SLC47A1: variants seen among roughly 807,000 people sequenced by gnomAD.
The protein encoded by SLC47A1 is multidrug and toxin extrusion protein 1.
Under a neutral mutation model 65.8 loss-of-function variants are expected in SLC47A1, and 58 were observed. That is an observed-to-expected ratio of 0.88 (90% CI 0.71 to 1.10). The LOEUF (loss-of-function observed/expected upper bound fraction) is 1.10, where lower values mean the gene tolerates loss of function less well. Among genes scored for constraint, SLC47A1 ranks in the 50% least tolerant of loss-of-function variants. SLC47A1 has a pLI of 0.00. For synonymous variants in SLC47A1, 285 were observed against 295.0 expected (o/e 0.97, Z 0.35); for missense variants, 706 against 719.2 (o/e 0.98, Z 0.21).
At position 19,560,711 on chromosome 17, in the gene SLC47A1, T is replaced by A. The variant is rs555727375; in HGVS notation, c.1106+218T>A. 2.7e-4 allele frequency among the ~76,000 whole-genome samples: 41 copies of A among 150,142 alleles called. 2 individuals carry two copies. In the South Asian group the frequency reaches 6.6e-3, roughly 24 times the overall value. ...CTGACCAACATGGTGAAACCCTATC[T>A]CTACTAAAAATACAAAAATTAGCTG... On this transcript the variant is annotated intron_variant, in intron 12 of 16. Transcript: ENST00000270570.
rs2247436 is a variant in SLC47A1 at position 19,551,420 on chromosome 17, G to A, written c.499-4G>A. ...TAACATTCATCTCTCTTGTTCTCTT[G>A]TAGGCAACCTTTCTTTATATGTTAC... On this transcript the variant is annotated splice_region_variant and splice_polypyrimidine_tract_variant and intron_variant, in intron 5 of 16. Transcript: ENST00000270570. 294,419 of 1,579,582 alleles carry A rather than the reference G, an allele frequency of 0.19. 30,570 individuals carry two copies. Among genetic ancestry groups the A allele is most frequent in the East Asian group, 0.43 (19,290 of 44,550 alleles).
rs763994720 is a variant in SLC47A1, at chr17:19,571,481, T to C, written c.1313T>C (p.Leu438Pro). The change falls in exon 15 of 17, where the codon CTG becomes CCG. Residue 438 changes from leucine to proline, a missense_variant. Leu to Pro is a moderately conservative substitution (Grantham distance 98, BLOSUM62 -3). Coordinates refer to ENST00000270570, the MANE Select transcript of SLC47A1 (RefSeq NM_018242.3). Reference sequence around the variant, plus strand: ...TATTAAATATTTCTATTTCTAGGTCTGTGGTCAGGGATCATCATCTGTACA... The same window carrying C: ...TATTAAATATTTCTATTTCTAGGTCCGTGGTCAGGGATCATCATCTGTACA... ...MFATTLGVMG[L>P]WSGIIICTVF... 8 of 1,612,444 alleles carry C rather than the reference T, an allele frequency of 5.0e-6. No homozygotes were observed. In the East Asian group the frequency reaches 8.9e-5, roughly 18 times the overall value.
intron 10 of SLC47A1, chr17:19,557,895 TCCAA>T (rs1567970380): frequency 1.5e-5 from 1 of 64,980 alleles, no homozygotes; most frequent in Non-Finnish European, 2.8e-5. Flanking sequence ...ATACTTTCCC[TCCAA>T]AAAAAAAAAA....
intron 16 of SLC47A1, among the ~76,000 whole-genome samples, chr17:19,576,342 T>C (rs2084439368): frequency 1.4e-5 from 2 of 148,022 alleles, no homozygotes; most frequent in Admixed American, 7.0e-5. Context: ...TTGTATTCTT[T>C]CTTCCTTCCT....
intron 10 of SLC47A1, among the ~76,000 whole-genome samples, chr17:19,558,465 T>C (rs1186079108): frequency 1.4e-5 from 2 of 147,626 alleles, no homozygotes; most frequent in East Asian, 2.2e-4. Flanking sequence ...GTTTTTATTT[T>C]ACTTATTTTT....
chr17:19,570,384 G>T (rs574830208), intron 14 of SLC47A1, among the ~76,000 whole-genome samples: 2 of 152,204 alleles, frequency 1.3e-5, no homozygotes, highest in African/African-American at 2.4e-5. Flanking sequence ...GTGGGAAAGC[G>T]TCACAGTGGA....
At chr17:19,544,666 GC>G (rs1312690271) in intron 2 of SLC47A1, among the ~76,000 whole-genome samples, 1 of 152,210 alleles carries the variant, frequency 6.6e-6, no homozygotes, top group Non-Finnish European at 1.5e-5. Flanking sequence ...CACTCCCAGT[GC>G]CCCCCAGGGT....
Position 19,577,716 on chromosome 17 carries a change from A to G in SLC47A1, c.*163A>G. On this transcript the variant is annotated 3_prime_UTR_variant, in exon 17 of 17. Transcript: ENST00000270570. Reference sequence around the variant, plus strand: ...CATTTTTCTATAAAAAGAAAAAGCAACTAAGGTTAAAAGCTATATTGTGGC... The same window carrying G: ...CATTTTTCTATAAAAAGAAAAAGCAGCTAAGGTTAAAAGCTATATTGTGGC... The G allele has an allele frequency of 7.0e-7, 1 of 1,435,822 alleles. No individual in the cohort carries two copies. Among genetic ancestry groups the G allele is most frequent in the South Asian group, 1.5e-5 (1 of 66,390 alleles). The allele number at this position is 1,435,822 out of a possible 1,614,324, so 88.9% of individuals were successfully genotyped here. A position where few individuals can be genotyped will look rare whatever the true frequency, so the allele number is the denominator to read the frequency against.
At chr17:19,560,331 A>C in intron 11 of SLC47A1, 35 bp downstream of exon 11, 3 of 1,607,446 alleles carry the variant, frequency 1.9e-6, no homozygotes, top group Non-Finnish European at 2.6e-6. Context: ...CTCTTGGTGC[A>C]GTCTCTGCAT....
Position 19,566,795 on chromosome 17 carries a change from T to G in SLC47A1, c.1112T>G (p.Ile371Ser), listed in dbSNP as rs1332762603. The change falls in exon 13 of 17, where the codon ATC becomes AGC. Residue 371 changes from isoleucine (I) to serine (S), a missense_variant. Physicochemically the swap from Ile to Ser is moderately radical, Grantham distance 142. Transcript: ENST00000270570. ...GTGCTTTATTTTCCTAACAGAGACA[T>G]CATTAATCTGGTGGCTCAGGTGGTT... ...VGYIFTTDRD[I>S]INLVAQVVPI... 3 of 1,614,014 alleles carry G rather than the reference T, an allele frequency of 1.9e-6. No homozygotes were observed. The highest frequency in any genetic ancestry group is 2.5e-6 in the Non-Finnish European group (3 of 1,179,994).
intron 1 of SLC47A1, among the ~76,000 whole-genome samples, chr17:19,539,640 G>A (rs1176192037): frequency 6.6e-6 from 1 of 152,026 alleles, no homozygotes; most frequent in African/African-American, 2.4e-5. Context: ...GTGCACCACT[G>A]CACCCAGCTA....
At chr17:19,556,185 A>C in intron 10 of SLC47A1, 123 bp downstream of exon 10, 1 of 1,146,996 alleles carries the variant, frequency 8.7e-7, no homozygotes. Flanking sequence ...GACAAAAGTC[A>C]AATCCCATCC....
chr17:19,556,871 A>G (rs1916631448), intron 10 of SLC47A1, among the ~76,000 whole-genome samples: 1 of 152,202 alleles, frequency 6.6e-6, no homozygotes, highest in Admixed American at 6.5e-5. Flanking sequence ...AACTGTGTTC[A>G]CAGGAGCATT....
At chr17:19,538,808 C>T (rs1916063840) in intron 1 of SLC47A1, among the ~76,000 whole-genome samples, 1 of 152,206 alleles carries the variant, frequency 6.6e-6, no homozygotes, top group African/African-American at 2.4e-5. Context: ...GTGCCTGGCC[C>T]TGGAGAGCAA....
At position 19,571,540 on chromosome 17, in the gene SLC47A1, AT is replaced by A; in HGVS notation, c.1374del (p.Gln459SerfsTer2). ...AGCTGTGTGTTTTCTAGGCTTTATT[AT>A]TCAGCTAAATTGGAAAAAAGCCTGT... Reference protein sequence around the residue: ...FQAVCFLGFIIQLNWKKACQQ... With the variant: ...FQAVCFLGFIXQLNWKKACQQ... On this transcript the variant is annotated frameshift_variant, in exon 15 of 17. Transcript: ENST00000270570. LOFTEE classifies it high-confidence loss of function. 1.2e-6 allele frequency: 2 copies of A among 1,614,028 alleles called. No homozygotes were observed. The highest frequency in any genetic ancestry group is 1.7e-6 in the Non-Finnish European group (2 of 1,179,966).
chr17:19,556,175 G>A, intron 10 of SLC47A1, 113 bp downstream of exon 10: 1 of 1,251,920 alleles, frequency 8.0e-7, no homozygotes, highest in Non-Finnish European at 1.1e-6. Flanking sequence ...TGAAATGATG[G>A]ACAAAAGTCA....
At chr17:19,547,593 A>G (rs999894117) in intron 3 of SLC47A1, among the ~76,000 whole-genome samples, 5 of 151,880 alleles carry the variant, frequency 3.3e-5, no homozygotes, top group Admixed American at 6.6e-5. Flanking sequence ...CCAGAATATC[A>G]TTAGTGAGAG....
At chr17:19,542,601 T>C in intron 2 of SLC47A1, 107 bp downstream of exon 2, 2 of 912,602 alleles carry the variant, frequency 2.2e-6, no homozygotes, top group Non-Finnish European at 3.2e-6. Flanking sequence ...CACAGACTTA[T>C]TCTCTTACAG....
At chr17:19,541,713 G>T (rs1916154047) in intron 1 of SLC47A1, among the ~76,000 whole-genome samples, 1 of 152,172 alleles carries the variant, frequency 6.6e-6, no homozygotes, top group Non-Finnish European at 1.5e-5. Flanking sequence ...GTTGAAGGCT[G>T]TATTCTCTCC....
Sources: allele counts gnomAD v4.1 joint callset (sites outside exome capture counted in the v4.1 genomes callset), GRCh38; gene constraint gnomAD v4.1.1; transcripts MANE v1.5; gene names NCBI Gene and HGNC (gene_info 2026-07-23, HGNC 2026-07-21).